TMEM59: variants seen among roughly 807,000 people sequenced by gnomAD.
TMEM59 encodes dendritic cell factor 1.
In TMEM59, 44 loss-of-function variants were observed where a neutral mutation model predicts 42.2. The ratio of observed to expected loss-of-function variants is 1.04; its 90% CI spans 0.82 to 1.34. The LOEUF is 1.34. TMEM59 is among the 40% of genes most tolerant of loss of function. The pLI is 0.00. For synonymous variants in TMEM59, 148 were observed against 145.8 expected (o/e 1.02, Z -0.11); for missense variants, 359 against 382.8 (o/e 0.94, Z 0.52).
intron 4 of TMEM59, among the ~76,000 whole-genome samples, chr1:54,043,139 C>T (rs977945939): frequency 1.3e-5 from 2 of 152,012 alleles, no homozygotes; most frequent in African/African-American, 2.4e-5. Flanking sequence ...TTAAAAGACT[C>T]AAGAGTTCTG....
In TMEM59 at chr1:54,053,171, C is replaced by T; in HGVS notation, c.18G>A (p.Gly6=). The change falls in exon 1 of 8, where the codon GGG becomes GGA. Residue 6 remains glycine, a synonymous_variant. Coordinates refer to ENST00000234831, the MANE Select transcript of TMEM59 (RefSeq NM_004872.5). MAAPK[G]SLWVRTQLGL... ...CCAGTTGGGTCCTCACCCAGAGGCT[C>T]CCCTTCGGCGCCGCCATCTTGTTCC... is the stretch of plus-strand genomic sequence containing the variant. 6.2e-7 allele frequency: 1 copy of T among 1,614,108 alleles called. No individual in the cohort carries two copies. Among genetic ancestry groups the T allele is most frequent in the Non-Finnish European group, 8.5e-7 (1 of 1,179,992 alleles).
chr1:54,046,699 T>C (rs113642395), intron 2 of TMEM59, among the ~76,000 whole-genome samples: 1 of 152,186 alleles, frequency 6.6e-6, no homozygotes, highest in Non-Finnish European at 1.5e-5. Context: ...GTGTAACGAG[T>C]GGAGAATATT....
chr1:54,050,911 TG>T (rs1043365142), intron 1 of TMEM59, among the ~76,000 whole-genome samples: 2 of 151,640 alleles, frequency 1.3e-5, no homozygotes, highest in Non-Finnish European at 2.9e-5. Context: ...CAGACTGGCG[TG>T]CACTGGCGAC....
intron 7 of TMEM59, 116 bp downstream of exon 7, chr1:54,036,494 C>A: frequency 1.4e-6 from 1 of 700,256 alleles, no homozygotes. Flanking sequence ...ATTAAAACCA[C>A]CACATCTTCT....
chr1:54,053,291 C>T, upstream of TMEM59: 1 of 1,413,444 alleles, frequency 7.1e-7, no homozygotes, highest in Non-Finnish European at 9.5e-7. Context: ...CCGACCGTTG[C>T]TTCCGCCTCC....
At chr1:54,036,936 T>C (rs895764984) in intron 6 of TMEM59, 3 of 305,420 alleles carry the variant, frequency 9.8e-6, no homozygotes, top group Non-Finnish European at 6.1e-6. Context: ...CTAATGTTTC[T>C]GTAACATGGC....
chr1:54,053,206 C>G (rs1474580516), upstream of TMEM59: 1 of 1,612,678 alleles, frequency 6.2e-7, no homozygotes, highest in East Asian at 2.2e-5. Context: ...CCCTCTGTCA[C>G]AGCAGCTCAG....
rs1360596994 is a variant in TMEM59, at chr1:54,031,303, C to T, written c.*847G>A. 6.6e-6 allele frequency: 1 copy of T among 152,146 alleles called. No homozygotes were observed. Among genetic ancestry groups the T allele is most frequent in the East Asian group, 1.9e-4 (1 of 5,202 alleles). 9.4% of individuals were successfully genotyped at this position (152,146 alleles called of 1,614,324 possible). ...GACCTGATATCATTCTAATATTAAGCTCTGTATTATTGCAGGTAAAAATAA... is the reference window on the plus strand; with the variant it reads ...GACCTGATATCATTCTAATATTAAGTTCTGTATTATTGCAGGTAAAAATAA... On this transcript the variant is annotated 3_prime_UTR_variant, in exon 8 of 8. Coordinates refer to ENST00000234831, the MANE Select transcript of TMEM59 (RefSeq NM_004872.5).
At chr1:54,050,367 C>T (rs1657488541) in intron 1 of TMEM59, among the ~76,000 whole-genome samples, 1 of 152,140 alleles carries the variant, frequency 6.6e-6, no homozygotes, top group African/African-American at 2.4e-5. Flanking sequence ...CCAGGATCCA[C>T]TCGCCTCGGC....
intron 6 of TMEM59, among the ~76,000 whole-genome samples, chr1:54,037,672 A>C (rs1255615637): frequency 6.6e-6 from 1 of 152,252 alleles, no homozygotes; most frequent in Non-Finnish European, 1.5e-5. Context: ...TAGTTTGCCA[A>C]GACTTGAACA....
chr1:54,040,967 A>G, intron 5 of TMEM59, 130 bp from the exon 6 acceptor site: 1 of 675,762 alleles, frequency 1.5e-6, no homozygotes, highest in Non-Finnish European at 2.6e-6. Context: ...TACATTTTAT[A>G]ATGTGTACCA....
At chr1:54,052,132 A>G (rs191147487) in intron 1 of TMEM59, among the ~76,000 whole-genome samples, 2 of 152,328 alleles carry the variant, frequency 1.3e-5, no homozygotes, top group Non-Finnish European at 2.9e-5. Flanking sequence ...GGGGGAGGGC[A>G]TATACTCAAA....
chr1:54,050,426 A>C (rs138650177), intron 1 of TMEM59, among the ~76,000 whole-genome samples: 3 of 150,200 alleles, frequency 2.0e-5, no homozygotes, highest in Admixed American at 2.0e-4. Flanking sequence ...CCCAGCCTAA[A>C]ACGAGATTTC....
At chr1:54,049,134 A>G (rs1657444043) in intron 1 of TMEM59, among the ~76,000 whole-genome samples, 1 of 152,240 alleles carries the variant, frequency 6.6e-6, no homozygotes, top group Admixed American at 6.5e-5. Flanking sequence ...TGGCATGGTG[A>G]AAAGAGCCGA....
rs1211497766 is a variant in TMEM59 at position 54,027,222 on chromosome 1, G to A, written c.*4928C>T. On this transcript the variant is annotated 3_prime_UTR_variant, in exon 8 of 8. Coordinates refer to ENST00000234831, the MANE Select transcript of TMEM59 (RefSeq NM_004872.5). ...TTTCAAGATATGAATTTGAATTATA[G>A]TAATTTTAGAACCACCATGCAGTCT... The A allele has an allele frequency of 1.6e-4, 24 of 152,196 alleles. No individual in the cohort carries two copies. The highest frequency in any genetic ancestry group is 1.4e-3 in the Admixed American group (21 of 15,282). The allele number at this position is 152,196 out of a possible 1,614,324, so 9.4% of individuals were successfully genotyped here.
Position 54,030,060 on chromosome 1 carries a change from T to A in TMEM59, c.*2090A>T, listed in dbSNP as rs1266210436. The stretch of plus-strand genomic sequence containing the variant: ...AATACTTTCAAGAGAAATGAAGGTA[T>A]CTCAGGCACTTCTCATTCAGGAAGC... On this transcript the variant is annotated 3_prime_UTR_variant, in exon 8 of 8. Transcript: ENST00000234831. The A allele has an allele frequency of 1.3e-5, 2 of 151,776 alleles. No homozygotes were observed. The highest frequency in any genetic ancestry group is 3.9e-4 in the East Asian group (2 of 5,162). The allele number at this position is 151,776 out of a possible 1,614,324, so 9.4% of individuals were successfully genotyped here.
intron 1 of TMEM59, 74 bp downstream of exon 1, chr1:54,052,926 A>C (rs1274528875): frequency 6.6e-7 from 1 of 1,511,140 alleles, no homozygotes; most frequent in Non-Finnish European, 8.9e-7. Context: ...AGGTTGCCAG[A>C]GCCGACATAC....
chr1:54,042,121 T>G (rs939731284), intron 4 of TMEM59, among the ~76,000 whole-genome samples: 1 of 151,922 alleles, frequency 6.6e-6, no homozygotes, highest in Non-Finnish European at 1.5e-5. Flanking sequence ...TACTATACCT[T>G]GCAGAAATGA....
At chr1:54,045,638 T>G in intron 3 of TMEM59, 54 bp downstream of exon 3, 2 of 1,538,966 alleles carry the variant, frequency 1.3e-6, no homozygotes, top group Non-Finnish European at 1.8e-6. Flanking sequence ...CTTCAAGCAA[T>G]ACAAGTCAGT....
Sources: gnomAD v4.1 joint callset for allele counts (sites outside exome capture counted in the v4.1 genomes callset) on GRCh38, gnomAD v4.1.1 for gene constraint, MANE v1.5 for transcripts, NCBI Gene and HGNC (gene_info 2026-07-23, HGNC 2026-07-21) for gene names.